MRPL39: variants seen among roughly 807,000 people sequenced by gnomAD.
MRPL39 encodes the protein mitochondrial ribosomal protein L39, also known as large ribosomal subunit protein mL39.
In MRPL39, 35 loss-of-function variants were observed where a neutral mutation model predicts 44.5. That is an observed-to-expected ratio of 0.79 (90% CI 0.60 to 1.04). MRPL39 has a LOEUF of 1.04. MRPL39 is among the 50% of genes least tolerant of loss of function. The pLI is 0.00. For synonymous variants in MRPL39, 139 were observed against 136.1 expected, an observed-to-expected ratio of 1.02 and a Z score of -0.15; for missense variants, 433 against 413.5, an observed-to-expected ratio of 1.05 and a Z score of -0.41.
upstream of MRPL39, chr21:25,607,629 C>T (rs1259912605): frequency 2.7e-6 from 2 of 743,084 alleles, no homozygotes; most frequent in Non-Finnish European, 4.3e-6. Flanking sequence ...GCTGGGGATT[C>T]AGTGGCTGAG....
At chr21:25,595,260 AG>A (rs1259957069) in intron 6 of MRPL39, among the ~76,000 whole-genome samples, 1 of 152,190 alleles carries the variant, frequency 6.6e-6, no homozygotes, top group Non-Finnish European at 1.5e-5. Context: ...GGCACTAATA[AG>A]GGTGCCAATT....
At chr21:25,594,816 TACCC>T in intron 6 of MRPL39, among the ~76,000 whole-genome samples, 1 of 152,108 alleles carries the variant, frequency 6.6e-6, no homozygotes, top group Non-Finnish European at 1.5e-5. Flanking sequence ...ACAAGCACCT[TACCC>T]TGAAATTTGC....
At chr21:25,591,392 G>A (rs1240079031) in intron 8 of MRPL39, among the ~76,000 whole-genome samples, 1 of 151,990 alleles carries the variant, frequency 6.6e-6, no homozygotes, top group African/African-American at 2.4e-5. Context: ...GGTACAGACA[G>A]AAAAAGAGAG....
In MRPL39 at chr21:25,607,451, G is replaced by A. The variant is rs747586864; in HGVS notation, c.25C>T (p.Arg9Trp). 9.3e-6 allele frequency: 15 copies of A among 1,612,650 alleles called. 1 individual carries two copies. Among genetic ancestry groups the A allele is most frequent in the East Asian group, 2.2e-5 (1 of 44,874 alleles). The stretch of plus-strand genomic sequence containing the variant: ...GCGACCAGCCAGAGCCGCAGCGCCC[G>A]GGAACCCATGGCCAGCGCCTCCATA... MEALAMGSRALRLWLVAPG... is the reference protein window; with the variant it reads MEALAMGSWALRLWLVAPG... The change falls in exon 1 of 10, where the codon CGG becomes TGG. Residue 9 changes from arginine (R) to tryptophan (W), a missense_variant. Transcript: ENST00000352957.
chr21:25,587,017 G>A (rs773715860), intron 9 of MRPL39, among the ~76,000 whole-genome samples: 3 of 152,088 alleles, frequency 2.0e-5, no homozygotes, highest in Non-Finnish European at 4.4e-5. Flanking sequence ...AGTCTGTGTT[G>A]CATCAATGAA....
intron 5 of MRPL39, among the ~76,000 whole-genome samples, chr21:25,597,956 AATG>A (rs769211123): frequency 6.6e-5 from 10 of 152,202 alleles, no homozygotes; most frequent in Admixed American, 2.0e-4. Flanking sequence ...ACACAATTAA[AATG>A]ATGAAGAATA....
At chr21:25,606,335 G>A in intron 2 of MRPL39, 114 bp downstream of exon 2, 2 of 911,580 alleles carry the variant, frequency 2.2e-6, no homozygotes, top group African/African-American at 1.7e-5. Context: ...GGTATAAAGG[G>A]ATTGCCATGG....
At chr21:25,587,594 A>C in intron 9 of MRPL39, 1 of 950,818 alleles carries the variant, frequency 1.1e-6, no homozygotes, top group Non-Finnish European at 1.6e-6. Context: ...TGAAAGGCTT[A>C]ACAGACAGAA....
At chr21:25,597,574 G>A (rs997463319) in intron 5 of MRPL39, among the ~76,000 whole-genome samples, 160 bp from the exon 6 acceptor site, 1 of 152,146 alleles carries the variant, frequency 6.6e-6, no homozygotes. Flanking sequence ...TGCAACAACT[G>A]AAGTTTTGGA....
chr21:25,588,699 C>T (rs1214289114), intron 9 of MRPL39, 136 bp downstream of exon 9: 4 of 755,004 alleles, frequency 5.3e-6, no homozygotes, highest in Non-Finnish European at 8.7e-6. Flanking sequence ...AATCACAACA[C>T]TGCTTTGACT....
In MRPL39 at chr21:25,601,352, T is replaced by TATACTC. The variant is rs2123250896; in HGVS notation, c.520+15_520+16insGAGTAT. ...AATATTTAAGGATCACAAAAAGACA[T>TATACTC]ATATGTATACACTACCAGGAACTTC... On this transcript the variant is annotated intron_variant, in intron 4 of 9. Coordinates refer to ENST00000352957, the MANE Select transcript of MRPL39 (RefSeq NM_017446.4). 7.0e-7 allele frequency: 1 copy of TATACTC among 1,427,754 alleles called. No individual in the cohort carries two copies. Among genetic ancestry groups the TATACTC allele is most frequent in the Non-Finnish European group, 9.2e-7 (1 of 1,082,824 alleles). The allele number at this position is 1,427,754 out of a possible 1,614,324, so 88.4% of individuals were successfully genotyped here.
chr21:25,606,781 G>A, intron 1 of MRPL39, 126 bp from the exon 2 acceptor site: 1 of 690,434 alleles, frequency 1.4e-6, no homozygotes, highest in Non-Finnish European at 2.4e-6. Context: ...AACAGAGCTG[G>A]CCCAGATACG....
At chr21:25,596,788 AG>A (rs1345817853) in intron 6 of MRPL39, among the ~76,000 whole-genome samples, 29 of 152,298 alleles carry the variant, frequency 1.9e-4, no homozygotes, top group African/African-American at 7.0e-4. Flanking sequence ...GTGAACTGAA[AG>A]TTTTCTGAGA....
At chr21:25,585,791 C>T (rs200187839) in intron 9 of MRPL39, 37 bp from the exon 10 acceptor site, 2 of 1,471,528 alleles carry the variant, frequency 1.4e-6, no homozygotes, top group African/African-American at 2.8e-5. Flanking sequence ...TCCTAATAAA[C>T]ACTTTCAGTT....
intron 8 of MRPL39, among the ~76,000 whole-genome samples, chr21:25,592,325 T>C (rs1231951674): frequency 2.6e-5 from 4 of 152,198 alleles, no homozygotes; most frequent in African/African-American, 9.6e-5. Flanking sequence ...GATGCTACCA[T>C]TGAGGAAACC....
At chr21:25,599,967 CT>C in intron 4 of MRPL39, 101 bp from the exon 5 acceptor site, 1 of 851,646 alleles carries the variant, frequency 1.2e-6, no homozygotes, top group South Asian at 1.5e-5. Context: ...AGGATTAGCA[CT>C]CTCTCCCAAC....
intron 6 of MRPL39, among the ~76,000 whole-genome samples, chr21:25,596,147 G>A (rs958812372): frequency 2.6e-5 from 4 of 151,192 alleles, no homozygotes; most frequent in African/African-American, 4.9e-5. Flanking sequence ...CGCCCAGGCC[G>A]GACTGCAGTG....
At chr21:25,591,079 CA>C (rs55796940) in intron 8 of MRPL39, among the ~76,000 whole-genome samples, 108 of 129,054 alleles carry the variant, frequency 8.4e-4, no homozygotes, top group African/African-American at 1.6e-3. Context: ...CTATAGCCCA[CA>C]AAAAAAAAAA....
At chr21:25,607,187 G>C (rs2031705914) in intron 1 of MRPL39, among the ~76,000 whole-genome samples, 1 of 152,258 alleles carries the variant, frequency 6.6e-6, no homozygotes, top group East Asian at 1.9e-4. Flanking sequence ...TCCGACCCCT[G>C]GCCCCGACCC....
Sources: allele counts gnomAD v4.1 joint callset (sites outside exome capture counted in the v4.1 genomes callset), GRCh38; gene constraint gnomAD v4.1.1; transcripts MANE v1.5; gene names NCBI Gene and HGNC (gene_info 2026-07-23, HGNC 2026-07-21).